Variants in WDFY3 observed in about 807,000 individuals in gnomAD.
The protein encoded by WDFY3 is WD repeat and FYVE domain containing 3.
A neutral mutation model predicts 409.6 loss-of-function variants in WDFY3; 66 were observed. The observed-to-expected ratio is 0.16, with a 90% CI of 0.13 to 0.20. WDFY3 has a LOEUF of 0.20. Ranked by LOEUF, WDFY3 falls within the 10% of genes least tolerant of loss-of-function variation. The probability of loss-of-function intolerance (pLI) is 1.00; values close to 1 mark genes in which losing one functional copy is unlikely to be tolerated. For synonymous variants in WDFY3, 1,521 were observed against 1,537.1 expected, an observed-to-expected ratio of 0.99 and a Z score of 0.25; for missense variants, 3,031 against 4,298.1, an observed-to-expected ratio of 0.71 and a Z score of 8.24.
chr4:84,909,879 CTTGCT>C (rs1183280951), intron 2 of WDFY3, among the ~76,000 whole-genome samples: 1 of 152,106 alleles, frequency 6.6e-6, no homozygotes, highest in African/African-American at 2.4e-5. Flanking sequence ...CAACAACTTG[CTTGCT>C]TTAACATTTT....
chr4:84,726,851 T>C lies in WDFY3; in HGVS notation c.7272+10A>G, dbSNP rs1412572700. ...TAGTTTACATTCTTTTACTGTAATT[T>C]GTGTTTTACCTTTTGAGGAATATCA... On this transcript the variant is annotated intron_variant, in intron 45 of 67. Coordinates refer to ENST00000295888, the MANE Select transcript of WDFY3 (RefSeq NM_014991.6). 1 of 1,593,058 alleles carries C rather than the reference T, an allele frequency of 6.3e-7. No homozygotes were observed. The highest frequency in any genetic ancestry group is 1.8e-5 in the Admixed American group (1 of 54,084).
At chr4:84,719,154 C>T (rs996915337) in intron 47 of WDFY3, among the ~76,000 whole-genome samples, 1 of 152,160 alleles carries the variant, frequency 6.6e-6, no homozygotes, top group African/African-American at 2.4e-5. Flanking sequence ...TTATTGGTTG[C>T]TTTCTGTTCC....
chr4:84,842,813 C>T (rs1329607651), intron 5 of WDFY3, among the ~76,000 whole-genome samples: 1 of 152,150 alleles, frequency 6.6e-6, no homozygotes, highest in Non-Finnish European at 1.5e-5. Context: ...CTAATGTATA[C>T]TTAACACACT....
intron 1 of WDFY3, among the ~76,000 whole-genome samples, chr4:84,933,078 C>T (rs536194182): frequency 3.5e-4 from 53 of 152,204 alleles, no homozygotes; most frequent in African/African-American, 1.3e-3. Flanking sequence ...AAGGAGGAGC[C>T]TGGACTAATT....
intron 2 of WDFY3, among the ~76,000 whole-genome samples, chr4:84,911,954 C>T (rs1349093579): frequency 4.6e-5 from 7 of 152,158 alleles, no homozygotes; most frequent in East Asian, 3.8e-4. Flanking sequence ...AAAATAACTT[C>T]GTAGCCATCT....
At chr4:84,904,323 C>A (rs1766739460) in intron 2 of WDFY3, among the ~76,000 whole-genome samples, 1 of 152,068 alleles carries the variant, frequency 6.6e-6, no homozygotes, top group Non-Finnish European at 1.5e-5. Flanking sequence ...TCACTGCAAC[C>A]TCCACCTCCT....
chr4:84,810,500 T>C (rs1417010207), intron 13 of WDFY3, 156 bp from the exon 14 acceptor site: 1 of 609,230 alleles, frequency 1.6e-6, no homozygotes, highest in African/African-American at 1.9e-5. Context: ...TCAAATAGTT[T>C]GCTAATTAAA....
chr4:84,878,995 G>T (rs534935824), intron 3 of WDFY3, among the ~76,000 whole-genome samples: 1 of 152,262 alleles, frequency 6.6e-6, no homozygotes, highest in African/African-American at 2.4e-5. Flanking sequence ...CGATAATGTG[G>T]CTATATTCAT....
At chr4:84,902,466 T>C (rs1345471949) in intron 2 of WDFY3, among the ~76,000 whole-genome samples, 2 of 152,166 alleles carry the variant, frequency 1.3e-5, no homozygotes, top group African/African-American at 4.8e-5. Context: ...TTCAGACTAA[T>C]TGCTTCCATT....
At chr4:84,903,515 T>G (rs1205805454) in intron 2 of WDFY3, among the ~76,000 whole-genome samples, 1 of 152,094 alleles carries the variant, frequency 6.6e-6, no homozygotes, top group Non-Finnish European at 1.5e-5. Flanking sequence ...AGATCAGGTT[T>G]CTCCATGTAA....
chr4:84,673,008 G>A lies in WDFY3; in HGVS notation c.10458-17C>T, dbSNP rs1578080126. 6.2e-7 allele frequency: 1 copy of A among 1,613,634 alleles called. No individual in the cohort carries two copies. Among genetic ancestry groups the A allele is most frequent in the South Asian group, 1.1e-5 (1 of 91,000 alleles). ...CGACTGCACCTAAAGGAAAGGAAAA[G>A]TCAATTAATTATAGGTCTTCTCCAT... On this transcript the variant is annotated splice_polypyrimidine_tract_variant and intron_variant, in intron 67 of 67. Transcript: ENST00000295888.
In WDFY3 at chr4:84,708,878, T is replaced by C. The variant is rs374576588; in HGVS notation, c.8217+31A>G. ...TTTTAAAATTATTTTTGAAAATGTG[T>C]TCTACGTAAGCAAAATGACTTAAGA... is the stretch of plus-strand genomic sequence containing the variant. On this transcript the variant is annotated intron_variant, in intron 53 of 67. Coordinates refer to ENST00000295888, the MANE Select transcript of WDFY3 (RefSeq NM_014991.6). 34 of 1,606,244 alleles carry C rather than the reference T, an allele frequency of 2.1e-5. No homozygotes were observed. The African/African-American group carries it at 3.8e-4, about 18-fold the overall frequency.
At chr4:84,795,241 C>T (rs1490931397) in intron 19 of WDFY3, among the ~76,000 whole-genome samples, 6 of 152,138 alleles carry the variant, frequency 3.9e-5, no homozygotes, top group African/African-American at 1.2e-4. Context: ...TGGCAACATA[C>T]TCTAACGTAT....
intron 53 of WDFY3, among the ~76,000 whole-genome samples, chr4:84,707,351 T>C (rs79313775): frequency 0.031 from 4,740 of 152,174 alleles, 222 homozygotes; most frequent in African/African-American, 0.11. Context: ...ACTGCTGCAA[T>C]GGTCCAATAA....
chr4:84,689,531 T>C (rs573480439), intron 61 of WDFY3, among the ~76,000 whole-genome samples: 14 of 152,354 alleles, frequency 9.2e-5, no homozygotes, highest in African/African-American at 2.4e-4. Context: ...AGCAACTCTG[T>C]GAAGTTTCTG....
intron 51 of WDFY3, 90 bp downstream of exon 51, chr4:84,713,069 A>C: frequency 7.2e-7 from 1 of 1,388,098 alleles, no homozygotes; most frequent in Admixed American, 2.0e-5. Flanking sequence ...GGGGAAAAAC[A>C]CTCATCTAAA....
intron 8 of WDFY3, among the ~76,000 whole-genome samples, chr4:84,829,896 A>G (rs1755450438): frequency 6.6e-6 from 1 of 151,554 alleles, no homozygotes. Context: ...TTTAGGAAAT[A>G]CAATTTTTTA....
chr4:84,904,130 C>T (rs917477437), intron 2 of WDFY3, among the ~76,000 whole-genome samples: 1 of 152,198 alleles, frequency 6.6e-6, no homozygotes, highest in African/African-American at 2.4e-5. Context: ...CAAGAAGGTC[C>T]TGTCTGTGAA....
intron 7 of WDFY3, among the ~76,000 whole-genome samples, chr4:84,833,661 A>AAAAAGAAAAGAAAAGAAAAGAAAAG (rs1170304084): frequency 4.1e-4 from 62 of 149,956 alleles, no homozygotes; most frequent in Non-Finnish European, 7.2e-4. Flanking sequence ...CTCAAAAGAG[A>AAAAAGAAAAGAAAAGAAAAGAAAAG]AAAAGAAAAG....
Sources: allele counts gnomAD v4.1 joint callset (sites outside exome capture counted in the v4.1 genomes callset), GRCh38; gene constraint gnomAD v4.1.1; transcripts MANE v1.5; gene names NCBI Gene and HGNC (gene_info 2026-07-23, HGNC 2026-07-21).